SPIRE1: variants seen among roughly 807,000 people sequenced by gnomAD.
The protein encoded by SPIRE1 is spire type actin nucleation factor 1, also known as protein spire homolog 1.
A neutral mutation model predicts 94.1 loss-of-function variants in SPIRE1; 40 were observed. That is an observed-to-expected ratio of 0.43 (90% CI 0.33 to 0.55). The LOEUF (loss-of-function observed/expected upper bound fraction) is 0.55. Ranked by LOEUF, SPIRE1 falls within the 20% of genes least tolerant of loss-of-function variation. The pLI, the probability that SPIRE1 is intolerant of heterozygous loss-of-function variation, is 0.06. For synonymous variants in SPIRE1, 376 were observed against 371.7 expected, an observed-to-expected ratio of 1.01 and a Z score of -0.13; for missense variants, 838 against 975.2, an observed-to-expected ratio of 0.86 and a Z score of 1.87.
intron 5 of SPIRE1, among the ~76,000 whole-genome samples, chr18:12,511,057 G>A (rs1309513628): frequency 1.3e-5 from 2 of 152,186 alleles, no homozygotes; most frequent in Non-Finnish European, 2.9e-5. Flanking sequence ...GTTTTATTGG[G>A]AGAGAGAGCT....
chr18:12,480,238 C>G (rs1468677544), intron 9 of SPIRE1, among the ~76,000 whole-genome samples: 1 of 152,136 alleles, frequency 6.6e-6, no homozygotes, highest in Non-Finnish European at 1.5e-5. Context: ...ACACACAAAG[C>G]CTTACCAGAC....
At chr18:12,598,220 A>G (rs2036733153) in intron 2 of SPIRE1, among the ~76,000 whole-genome samples, 1 of 152,244 alleles carries the variant, frequency 6.6e-6, no homozygotes, top group African/African-American at 2.4e-5. Flanking sequence ...GATATCTCAA[A>G]TCTAAAATTC....
intron 2 of SPIRE1, among the ~76,000 whole-genome samples, chr18:12,600,231 C>T (rs890583964): frequency 6.6e-6 from 1 of 152,096 alleles, no homozygotes; most frequent in African/African-American, 2.4e-5. Flanking sequence ...CAGCTGACAC[C>T]TGAATTAGAA....
At chr18:12,505,505 A>C (rs1256256720) in intron 6 of SPIRE1, among the ~76,000 whole-genome samples, 1 of 151,358 alleles carries the variant, frequency 6.6e-6, no homozygotes, top group Non-Finnish European at 1.5e-5. Flanking sequence ...TAGAGCTGTG[A>C]TCATGCCATT....
At chr18:12,605,880 C>G (rs1262481010) in intron 2 of SPIRE1, among the ~76,000 whole-genome samples, 3 of 152,160 alleles carry the variant, frequency 2.0e-5, no homozygotes, top group African/African-American at 7.2e-5. Flanking sequence ...ACCTAGCTCC[C>G]TGCTGCTTGG....
At chr18:12,520,160 G>T (rs1245821192) in intron 4 of SPIRE1, among the ~76,000 whole-genome samples, 10 of 152,056 alleles carry the variant, frequency 6.6e-5, no homozygotes, top group Admixed American at 6.6e-4. Context: ...AATAAAAAAG[G>T]AAAGTTTAAA....
intron 2 of SPIRE1, among the ~76,000 whole-genome samples, chr18:12,584,117 C>A (rs1207956096): frequency 2.0e-5 from 3 of 151,862 alleles, no homozygotes; most frequent in Non-Finnish European, 2.9e-5. Context: ...CAGGAAAAAA[C>A]AAATCAGAAG....
At chr18:12,656,607 A>G (rs2038544454) in intron 1 of SPIRE1, 1 of 561,928 alleles carries the variant, frequency 1.8e-6, no homozygotes, top group Non-Finnish European at 2.3e-6. Context: ...TCAACTTTCT[A>G]AAAGTGAGGG....
chr18:12,464,965 A>G lies in SPIRE1; in HGVS notation c.1405-7T>C, dbSNP rs1463878159. 3 of 1,613,220 alleles carry G rather than the reference A, an allele frequency of 1.9e-6. No homozygotes were observed. The highest frequency in any genetic ancestry group is 1.3e-5 in the African/African-American group (1 of 74,870). ...ACTTGTGCAGCGTTTCTTCCTGAGCAAAGTACAGGTGGAGAAATCGACTTC... is the reference window on the plus strand; with the variant it reads ...ACTTGTGCAGCGTTTCTTCCTGAGCGAAGTACAGGTGGAGAAATCGACTTC... On this transcript the variant is annotated splice_region_variant and splice_polypyrimidine_tract_variant and intron_variant, in intron 10 of 16. Coordinates refer to ENST00000409402, the MANE Select transcript of SPIRE1 (RefSeq NM_001128626.2).
intron 4 of SPIRE1, among the ~76,000 whole-genome samples, chr18:12,528,477 A>C (rs2034587973): frequency 6.6e-6 from 1 of 152,164 alleles, no homozygotes; most frequent in Non-Finnish European, 1.5e-5. Context: ...GGTAGCGAAG[A>C]GGGGAAAGGG....
At chr18:12,612,216 T>C (rs2037162578) in intron 2 of SPIRE1, among the ~76,000 whole-genome samples, 1 of 152,162 alleles carries the variant, frequency 6.6e-6, no homozygotes. Context: ...TTTCACACGG[T>C]TGATCACTTC....
chr18:12,622,462 G>A (rs188029790), intron 2 of SPIRE1, among the ~76,000 whole-genome samples: 136 of 127,030 alleles, frequency 1.1e-3, no homozygotes, highest in Admixed American at 5.0e-3. Context: ...TTGCTCTGTC[G>A]CCCAGGCTGG....
At chr18:12,538,381 A>C (rs549542440) in intron 3 of SPIRE1, among the ~76,000 whole-genome samples, 1 of 152,296 alleles carries the variant, frequency 6.6e-6, no homozygotes, top group South Asian at 2.1e-4. Context: ...ATCTCTAAAA[A>C]GAGAGGACTG....
At chr18:12,661,079 G>A (rs919816828), upstream of SPIRE1, among the ~76,000 whole-genome samples, 4 of 151,854 alleles carry the variant, frequency 2.6e-5, no homozygotes, top group Admixed American at 6.6e-5. Context: ...AGGCCGAGGC[G>A]GGCAGATCAC....
At chr18:12,530,415 G>C (rs1270614704) in intron 4 of SPIRE1, among the ~76,000 whole-genome samples, 1 of 152,128 alleles carries the variant, frequency 6.6e-6, no homozygotes, top group Non-Finnish European at 1.5e-5. Context: ...TACCAAGGCT[G>C]GATGGAGCAC....
intron 12 of SPIRE1, among the ~76,000 whole-genome samples, 191 bp from the exon 13 acceptor site, chr18:12,454,674 GA>G (rs1259838572): frequency 6.6e-6 from 1 of 151,956 alleles, no homozygotes; most frequent in Non-Finnish European, 1.5e-5. Context: ...AAAGATGGCA[GA>G]AAACATGTGG....
intron 2 of SPIRE1, among the ~76,000 whole-genome samples, chr18:12,612,561 C>T (rs1018322058): frequency 6.6e-6 from 1 of 152,182 alleles, no homozygotes; most frequent in Non-Finnish European, 1.5e-5. Context: ...GTAACTTCAC[C>T]GTCACCTGAG....
chr18:12,494,936 G>A lies in SPIRE1; in HGVS notation c.1059+1080C>T, dbSNP rs181684742. On this transcript the variant is annotated intron_variant, in intron 7 of 16. Coordinates refer to ENST00000409402, the MANE Select transcript of SPIRE1 (RefSeq NM_001128626.2). ...GTGGTGGCAGGTGCCTGTAGTCCCA[G>A]CTACTCGGGAGGCTGAGGCAGGAGA... Among the ~76,000 whole-genome samples the A allele has an allele frequency of 2.9e-4, 43 of 148,958 alleles. 1 individual carries two copies. In the East Asian group the frequency reaches 8.4e-3, roughly 29 times the overall value.
chr18:12,654,921 G>A (rs1179883875), intron 1 of SPIRE1, among the ~76,000 whole-genome samples: 3 of 152,042 alleles, frequency 2.0e-5, no homozygotes, highest in East Asian at 1.9e-4. Context: ...CCAGCTGCTC[G>A]GGAGGCTGAG....
Sources: allele counts gnomAD v4.1 joint callset (sites outside exome capture counted in the v4.1 genomes callset), GRCh38; gene constraint gnomAD v4.1.1; transcripts MANE v1.5; gene names NCBI Gene and HGNC (gene_info 2026-07-23, HGNC 2026-07-21).